The following DCUN1D2 variants were observed in gnomAD, a reference collection of about 807,000 sequenced individuals.
The protein encoded by DCUN1D2 is DCN1-like protein 2.
A neutral mutation model predicts 30.9 loss-of-function variants in DCUN1D2; 29 were observed. The observed-to-expected ratio is 0.94, with a 90% confidence interval of 0.70 to 1.28. DCUN1D2 has a LOEUF of 1.28. Ranked by LOEUF, DCUN1D2 falls within the 50% of genes most tolerant of loss-of-function variation. DCUN1D2 has a pLI of 0.00. For synonymous variants in DCUN1D2, 121 were observed against 115.3 expected (o/e 1.05, Z -0.32); for missense variants, 325 against 316.9 (o/e 1.03, Z -0.19).
At chr13:113,475,222 G>C (rs1292054928) in intron 3 of DCUN1D2, among the ~76,000 whole-genome samples, 1 of 152,230 alleles carries the variant, frequency 6.6e-6, no homozygotes, top group East Asian at 1.9e-4. Context: ...GTATGTCACA[G>C]TGGTCCCATA....
At chr13:113,485,010 G>A (rs1215775641) in intron 1 of DCUN1D2, among the ~76,000 whole-genome samples, 1 of 152,082 alleles carries the variant, frequency 6.6e-6, no homozygotes, top group East Asian at 1.9e-4. Flanking sequence ...CCTGGGAGGT[G>A]GAGATTGCAG....
intron 4 of DCUN1D2, among the ~76,000 whole-genome samples, chr13:113,471,654 A>G (rs1174987990): frequency 6.6e-6 from 1 of 152,258 alleles, no homozygotes; most frequent in African/African-American, 2.4e-5. Context: ...TTGGGTATTT[A>G]GGCAAAACAG....
intron 3 of DCUN1D2, among the ~76,000 whole-genome samples, chr13:113,479,620 G>T (rs185961577): frequency 6.6e-4 from 100 of 152,172 alleles, no homozygotes; most frequent in Non-Finnish European, 6.8e-4. Context: ...AATTAGCCGG[G>T]CATGAGGCAT....
chr13:113,480,985 AT>A (rs1310720399), intron 2 of DCUN1D2, among the ~76,000 whole-genome samples: 1 of 151,782 alleles, frequency 6.6e-6, no homozygotes, highest in Non-Finnish European at 1.5e-5. Context: ...AAAAAAAAAA[AT>A]CACTGAATTT....
intron 5 of DCUN1D2, among the ~76,000 whole-genome samples, chr13:113,459,961 G>A (rs558811198): frequency 2.6e-5 from 4 of 152,274 alleles, no homozygotes; most frequent in South Asian, 2.1e-4. Context: ...GTATTCTGCC[G>A]TTACAATGAC....
chr13:113,472,680 C>T (rs1192123708), intron 4 of DCUN1D2, among the ~76,000 whole-genome samples: 4 of 152,202 alleles, frequency 2.6e-5, no homozygotes, highest in Non-Finnish European at 5.9e-5. Context: ...AGCTCACAAA[C>T]AGAAAGGGCA....
chr13:113,489,943 C>T (rs1056249760), intron 1 of DCUN1D2, among the ~76,000 whole-genome samples: 6 of 152,124 alleles, frequency 3.9e-5, no homozygotes, highest in African/African-American at 1.4e-4. Context: ...GCATCAACTC[C>T]CTCAACGCCA....
Position 113,489,129 on chromosome 13 carries a change from CG to C in DCUN1D2, c.3+1537del, listed in dbSNP as rs762769332. On this transcript the variant is annotated intron_variant, in intron 1 of 6. Transcript: ENST00000478244. The stretch of plus-strand genomic sequence containing the variant: ...CCAATCATGTTGATCGAATAAACTA[CG>C]TAAGTTTATGGATCACTTTCACTCT... The C allele has an allele frequency of 1.8e-3, 1,805 of 985,352 alleles. 4 individuals carry two copies. The highest frequency in any genetic ancestry group is 2.1e-3 in the Non-Finnish European group (1,755 of 829,904). The allele number at this position is 985,352 out of a possible 1,614,324, so 61.0% of individuals were successfully genotyped here.
intron 4 of DCUN1D2, among the ~76,000 whole-genome samples, chr13:113,472,314 AG>A (rs1236463196): frequency 1.3e-5 from 2 of 152,162 alleles, no homozygotes; most frequent in Non-Finnish European, 2.9e-5. Context: ...AAAAATAAAA[AG>A]CCTGGAAACG....
At chr13:113,485,577 A>G (rs948704049) in intron 1 of DCUN1D2, among the ~76,000 whole-genome samples, 2 of 152,106 alleles carry the variant, frequency 1.3e-5, no homozygotes, top group African/African-American at 4.8e-5. Flanking sequence ...GCGGCTCCTC[A>G]CAAAGTTCAA....
At chr13:113,470,774 A>G (rs1266430034) in intron 4 of DCUN1D2, among the ~76,000 whole-genome samples, 6 of 148,402 alleles carry the variant, frequency 4.0e-5, no homozygotes, top group African/African-American at 1.3e-4. Context: ...AGAAGACACA[A>G]CTCCACAAGG....
Position 113,456,152 on chromosome 13 carries a change from TGA to T in DCUN1D2, c.*1875_*1876del, listed in dbSNP as rs1186090810. 2.5e-6 allele frequency: 1 copy of T among 398,534 alleles called. No homozygotes were observed. Among genetic ancestry groups the T allele is most frequent in the Admixed American group, 4.4e-5 (1 of 22,722 alleles). 24.7% of individuals were successfully genotyped at this position (398,534 alleles called of 1,614,324 possible). On this transcript the variant is annotated 3_prime_UTR_variant, in exon 7 of 7. Transcript: ENST00000478244. ...TTTATTGTATTAGACAAATGCTCTC[TGA>T]GAATCGAAGACTTCTAAAGGTAGAC...
intron 2 of DCUN1D2, among the ~76,000 whole-genome samples, chr13:113,481,189 T>C (rs1356646044): frequency 6.6e-6 from 1 of 152,232 alleles, no homozygotes; most frequent in Non-Finnish European, 1.5e-5. Context: ...TTTTCTTAAG[T>C]GATTTCATTT....
intron 4 of DCUN1D2, chr13:113,462,900 G>GAA: frequency 3.3e-6 from 4 of 1,222,500 alleles, no homozygotes; most frequent in South Asian, 2.9e-5. Flanking sequence ...ACCTGGGGAG[G>GAA]AAAAAAAAAT....
At chr13:113,490,736 T>G, upstream of DCUN1D2, 1 of 1,170,054 alleles carries the variant, frequency 8.5e-7, no homozygotes. The surrounding 1 kb of genome is among the most constrained non-coding windows in gnomAD (Gnocchi z 5.2). Context: ...GGCTCCGCCC[T>G]CGTCCTCGGA....
chr13:113,481,602 G>A (rs1339894207), intron 2 of DCUN1D2, among the ~76,000 whole-genome samples: 2 of 152,190 alleles, frequency 1.3e-5, no homozygotes, highest in East Asian at 1.9e-4. Flanking sequence ...AAAAATTGGT[G>A]GCTGGGCACG....
intron 1 of DCUN1D2, among the ~76,000 whole-genome samples, chr13:113,484,593 C>CA (rs764250897): frequency 5.1e-4 from 77 of 151,474 alleles, no homozygotes; most frequent in Non-Finnish European, 9.6e-4. Flanking sequence ...CAAGCAGGCA[C>CA]AAAAAAACCT....
In DCUN1D2 at chr13:113,456,460, GCT is replaced by G; in HGVS notation, c.*1567_*1568del. 5.0e-6 allele frequency: 2 copies of G among 398,622 alleles called. No individual in the cohort carries two copies. Among genetic ancestry groups the G allele is most frequent in the Admixed American group, 4.4e-5 (1 of 22,742 alleles). 24.7% of individuals were successfully genotyped at this position (398,622 alleles called of 1,614,324 possible). A position where few individuals can be genotyped will look rare whatever the true frequency, so the allele number is the denominator to read the frequency against. ...CAACCCAGCTGCTTGTCTGGGCCAT[GCT>G]CTCTCACACCGCAGCTAGGTCATCT... On this transcript the variant is annotated 3_prime_UTR_variant, in exon 7 of 7. Transcript: ENST00000478244.
intron 6 of DCUN1D2, among the ~76,000 whole-genome samples, chr13:113,458,913 A>G (rs2044272198): frequency 1.3e-5 from 2 of 152,090 alleles, no homozygotes; most frequent in Admixed American, 6.6e-5. Flanking sequence ...ACACGGGGGG[A>G]GACAAGTATG....
Sources: gnomAD v4.1 joint callset for allele counts (sites outside exome capture counted in the v4.1 genomes callset) on GRCh38, gnomAD v4.1.1 for gene constraint, Gnocchi (gnomAD v3.1) non-coding constraint, MANE v1.5 for transcripts, NCBI Gene and HGNC (gene_info 2026-07-23, HGNC 2026-07-21) for gene names.